Variants in CDH9 observed in about 807,000 individuals in gnomAD.
CDH9 encodes cadherin-9.
CDH9 carries 28 observed loss-of-function variants against 70.9 expected under a neutral mutation model. That is an observed-to-expected ratio of 0.40 (90% CI 0.29 to 0.54). The LOEUF is 0.54. Ranked by LOEUF, CDH9 falls within the 20% of genes least tolerant of loss-of-function variation. The probability of loss-of-function intolerance (pLI) is 0.59; values close to 1 mark genes in which losing one functional copy is unlikely to be tolerated. For synonymous variants in CDH9, 409 were observed against 343.1 expected (o/e 1.19, Z -2.12); for missense variants, 874 against 984.4 (o/e 0.89, Z 1.50).
intron 7 of CDH9, among the ~76,000 whole-genome samples, chr5:26,900,467 T>G (rs1740835486): frequency 6.6e-6 from 1 of 152,074 alleles, no homozygotes; most frequent in Admixed American, 6.6e-5. Context: ...ATAAATAGCC[T>G]TGGTGACCTT....
At chr5:27,001,110 T>C (rs1333911546) in intron 1 of CDH9, among the ~76,000 whole-genome samples, 1 of 152,060 alleles carries the variant, frequency 6.6e-6, no homozygotes, top group East Asian at 1.9e-4. Flanking sequence ...CCTTAATGTA[T>C]ACAAATTAAA....
At chr5:26,973,154 G>C (rs937008803) in intron 2 of CDH9, among the ~76,000 whole-genome samples, 6 of 152,022 alleles carry the variant, frequency 3.9e-5, no homozygotes, top group African/African-American at 1.4e-4. Flanking sequence ...GAGCCACCAC[G>C]CCTAGTCTTA....
At chr5:26,899,954 G>T (rs983047776) in intron 7 of CDH9, among the ~76,000 whole-genome samples, 5 of 150,816 alleles carry the variant, frequency 3.3e-5, no homozygotes, top group Non-Finnish European at 7.4e-5. Flanking sequence ...TTTCAAAAAA[G>T]TTTTGTCACA....
chr5:26,982,803 C>A (rs1742421596), intron 2 of CDH9, among the ~76,000 whole-genome samples: 1 of 151,974 alleles, frequency 6.6e-6, no homozygotes, highest in Non-Finnish European at 1.5e-5. Flanking sequence ...CTGCCTCAGC[C>A]TCCCGAGTAG....
intron 1 of CDH9, among the ~76,000 whole-genome samples, chr5:26,996,281 C>T (rs1742663874): frequency 6.6e-6 from 1 of 151,896 alleles, no homozygotes; most frequent in South Asian, 2.1e-4. Context: ...ATCTATTGAT[C>T]TTCAAAATGC....
At chr5:26,882,528 G>A (rs1344070374) in intron 11 of CDH9, among the ~76,000 whole-genome samples, 1 of 151,794 alleles carries the variant, frequency 6.6e-6, no homozygotes, top group Admixed American at 6.6e-5. Flanking sequence ...TCTAATAAAT[G>A]CATGTTGCAA....
intron 2 of CDH9, among the ~76,000 whole-genome samples, chr5:26,934,090 T>G (rs1001736285): frequency 2.6e-5 from 4 of 151,964 alleles, no homozygotes; most frequent in African/African-American, 9.7e-5. Context: ...AGAACAGGCA[T>G]TGTATGGCAA....
chr5:26,949,725 T>C (rs1186652429), intron 2 of CDH9, among the ~76,000 whole-genome samples: 1 of 152,184 alleles, frequency 6.6e-6, no homozygotes, highest in Non-Finnish European at 1.5e-5. Context: ...TCCTAGAAGG[T>C]TGTCAGCATG....
At chr5:26,988,841 C>T (rs1742533577) in intron 1 of CDH9, among the ~76,000 whole-genome samples, 1 of 151,698 alleles carries the variant, frequency 6.6e-6, no homozygotes. Context: ...TCTCCTCTGC[C>T]CCCTATCTTC....
At chr5:26,962,014 G>A (rs966759583) in intron 2 of CDH9, among the ~76,000 whole-genome samples, 3 of 151,886 alleles carry the variant, frequency 2.0e-5, no homozygotes, top group Admixed American at 6.6e-5. Context: ...GTGTGATGTC[G>A]CCCTCCCTGT....
At chr5:26,903,365 C>T (rs1419314028) in intron 6 of CDH9, 25 of 531,570 alleles carry the variant, frequency 4.7e-5, no homozygotes, top group Non-Finnish European at 7.5e-5. Context: ...ATATTTTCCT[C>T]TATGGAGAAA....
chr5:26,991,841 A>C (rs2112095574), intron 1 of CDH9, among the ~76,000 whole-genome samples: 1 of 152,298 alleles, frequency 6.6e-6, no homozygotes, highest in East Asian at 1.9e-4. Context: ...GGAAAAATAA[A>C]GAATCCATTC....
At chr5:27,030,377 T>G (rs1181641022) in intron 1 of CDH9, among the ~76,000 whole-genome samples, 1 of 151,742 alleles carries the variant, frequency 6.6e-6, no homozygotes, top group Non-Finnish European at 1.5e-5. Flanking sequence ...CTGAATAATC[T>G]CCCAAAATGA....
intron 2 of CDH9, among the ~76,000 whole-genome samples, chr5:26,969,745 A>C (rs888368196): frequency 3.3e-5 from 5 of 151,902 alleles, no homozygotes; most frequent in African/African-American, 1.2e-4. Context: ...ATAACTCACA[A>C]GCTTTTTTCC....
intron 2 of CDH9, among the ~76,000 whole-genome samples, chr5:26,943,711 T>C (rs1741700663): frequency 1.3e-5 from 2 of 152,164 alleles, no homozygotes; most frequent in South Asian, 4.1e-4. Context: ...GACATGGAAG[T>C]GGGAAGGTGA....
intron 2 of CDH9, among the ~76,000 whole-genome samples, chr5:26,933,092 A>T (rs569278875): frequency 6.8e-6 from 1 of 147,392 alleles, no homozygotes; most frequent in Admixed American, 6.8e-5. Context: ...ATATAATTCT[A>T]TTTATATTAT....
At chr5:27,014,784 G>C (rs1743018171) in intron 1 of CDH9, among the ~76,000 whole-genome samples, 1 of 151,846 alleles carries the variant, frequency 6.6e-6, no homozygotes, top group East Asian at 1.9e-4. Context: ...ACCTTCTCTT[G>C]TTTCACTGTT....
At chr5:26,912,474 TTATA>T (rs1359664356) in intron 3 of CDH9, among the ~76,000 whole-genome samples, 1 of 150,738 alleles carries the variant, frequency 6.6e-6, no homozygotes, top group African/African-American at 2.4e-5. Flanking sequence ...ATTTATATGG[TTATA>T]TATAGTGATA....
At chr5:26,940,184 A>AT (rs962365697) in intron 2 of CDH9, among the ~76,000 whole-genome samples, 3 of 151,378 alleles carry the variant, frequency 2.0e-5, no homozygotes, top group Non-Finnish European at 1.5e-5. Flanking sequence ...AAGAAAGGAG[A>AT]TTTTTTTGAC....
Sources: gnomAD v4.1 joint callset for allele counts (sites outside exome capture counted in the v4.1 genomes callset) on GRCh38, gnomAD v4.1.1 for gene constraint, MANE v1.5 for transcripts, NCBI Gene and HGNC (gene_info 2026-07-23, HGNC 2026-07-21) for gene names.